LYPD8: variants seen among roughly 807,000 people sequenced by gnomAD.
LYPD8 encodes the protein ly6/PLAUR domain-containing protein 8.
Under a neutral mutation model 1.7 loss-of-function variants are expected in LYPD8, and 8 were observed. The ratio of observed to expected loss-of-function variants is 4.58; its 90% confidence interval spans 2.69 to 8.27. The LOEUF (loss-of-function observed/expected upper bound fraction) is 8.27. Ranked by LOEUF, LYPD8 falls within the 30% of genes most tolerant of loss-of-function variation. LYPD8 has a pLI of 0.00. For missense variants in LYPD8, 112 were observed against 102.3 expected (o/e 1.09, Z -0.41); for synonymous variants, 50 against 43.6 (o/e 1.15, Z -0.58).
intron 3 of LYPD8, 21 bp downstream of exon 3, chr1:248,751,009 G>T: frequency 7.5e-6 from 3 of 398,588 alleles, no homozygotes; most frequent in Non-Finnish European, 1.3e-5. Flanking sequence ...TTCTAAAAAG[G>T]GGCCACGTGA....
At position 248,739,902 on chromosome 1, in the gene LYPD8, C is replaced by A; in HGVS notation, c.476-53G>T. 8 of 1,545,446 alleles carry A rather than the reference C, an allele frequency of 5.2e-6. No individual in the cohort carries two copies. The highest frequency in any genetic ancestry group is 7.0e-6 in the Non-Finnish European group (8 of 1,144,052). On this transcript the variant is annotated intron_variant, in intron 6 of 6. Transcript: ENST00000590317. This position sits in a 1 kb window ranked among gnomAD's most constrained non-coding sequence, Gnocchi z 4.3. ...CGCCACTCAGTCCTTTGTCCTTCCACCCACGCCTGCTCTTAGTTCTTCACC... is the reference window on the plus strand; with the variant it reads ...CGCCACTCAGTCCTTTGTCCTTCCAACCACGCCTGCTCTTAGTTCTTCACC...
Position 248,745,197 on chromosome 1 carries a change from G to A in LYPD8, c.420C>T (p.Pro140=). The A allele has an allele frequency of 2.5e-6, 1 of 398,534 alleles. No individual in the cohort carries two copies. The highest frequency in any genetic ancestry group is 1.3e-4 in the South Asian group (1 of 7,844). 24.7% of individuals were successfully genotyped at this position (398,534 alleles called of 1,614,324 possible). Residue 140 remains proline (P), a synonymous_variant, in exon 6 of 7, where the codon CCC becomes CCT. Coordinates refer to ENST00000590317, the MANE Select transcript of LYPD8 (RefSeq NM_001085474.2). The part of the protein sequence containing the change: ...ESNGTSCHGK[P]WKCYEEEQCV... The stretch of plus-strand genomic sequence containing the variant: ...ACTGTTCTTCTTCATAGCATTTCCA[G>A]GGCTTCCCATGACAGGAAGTTCCAT...
At position 248,739,679 on chromosome 1, in the gene LYPD8, C is replaced by T. The variant is rs370124764; in HGVS notation, c.646G>A (p.Val216Met). The change falls in exon 7 of 7, where the codon GTG (valine) becomes ATG (methionine). Residue 216 changes from valine to methionine, a missense_variant. Val to Met is a conservative substitution (Grantham distance 21). Transcript: ENST00000590317. The surrounding 1 kb of genome is among the most constrained non-coding windows in gnomAD (Gnocchi z 4.3). ...AGGTAGAGGGAAGCTTTGGAGCCCACGTTGTGGGAAGTGGTTGGTGCAGAC... is the reference window on the plus strand; with the variant it reads ...AGGTAGAGGGAAGCTTTGGAGCCCATGTTGTGGGAAGTGGTTGGTGCAGAC... ...PTSAPTTSHN[V>M]GSKASLYLLA... 1.5e-5 allele frequency: 24 copies of T among 1,551,584 alleles called. No individual in the cohort carries two copies. Among genetic ancestry groups the T allele is most frequent in the Middle Eastern group, 1.7e-4 (1 of 6,014 alleles).
At chr1:248,742,231 G>A (rs1477095908) in intron 6 of LYPD8, among the ~76,000 whole-genome samples, 1 of 142,388 alleles carries the variant, frequency 7.0e-6, no homozygotes, top group African/African-American at 2.7e-5. Context: ...TTACGCTCTG[G>A]TGGGGATGTT....
chr1:248,751,414 T>C (rs1662800052), intron 2 of LYPD8, among the ~76,000 whole-genome samples: 1 of 152,126 alleles, frequency 6.6e-6, no homozygotes, highest in Non-Finnish European at 1.5e-5. Context: ...GGCAGATTAA[T>C]TTTTAGTTTC....
chr1:248,739,464 G>C lies in LYPD8; in HGVS notation c.*147C>G. ...TTTAATAATGAAGAACAAGGCAGCTGTCGGCATTGCCTGGAGACCTGTGAC... is the reference window on the plus strand; with the variant it reads ...TTTAATAATGAAGAACAAGGCAGCTCTCGGCATTGCCTGGAGACCTGTGAC... On this transcript the variant is annotated 3_prime_UTR_variant, in exon 7 of 7. Coordinates refer to ENST00000590317, the MANE Select transcript of LYPD8 (RefSeq NM_001085474.2). This position sits in a 1 kb window ranked among gnomAD's most constrained non-coding sequence, Gnocchi z 4.3. 9.4e-7 allele frequency: 1 copy of C among 1,058,648 alleles called. No individual in the cohort carries two copies. The highest frequency in any genetic ancestry group is 2.6e-5 in the East Asian group (1 of 38,546). The allele number at this position is 1,058,648 out of a possible 1,614,324, so 65.6% of individuals were successfully genotyped here. A position where few individuals can be genotyped will look rare whatever the true frequency, so the allele number is the denominator to read the frequency against.
chr1:248,753,147 C>T (rs1662850945), intron 2 of LYPD8, among the ~76,000 whole-genome samples: 1 of 115,704 alleles, frequency 8.6e-6, no homozygotes, highest in Non-Finnish European at 1.8e-5. Flanking sequence ...ACCCCACACA[C>T]AAACACCCCA....
At chr1:248,752,910 A>G (rs1662839407) in intron 2 of LYPD8, among the ~76,000 whole-genome samples, 2 of 96,070 alleles carry the variant, frequency 2.1e-5, no homozygotes, top group East Asian at 9.3e-4. Context: ...CACACACCCC[A>G]CACACCAACA....
intron 4 of LYPD8, among the ~76,000 whole-genome samples, chr1:248,749,885 T>C (rs1158814320): frequency 6.6e-6 from 1 of 151,856 alleles, no homozygotes; most frequent in African/African-American, 2.4e-5. Context: ...ATTTATATAA[T>C]GTTTAATTTA....
At chr1:248,752,823 T>A (rs1374311153) in intron 2 of LYPD8, among the ~76,000 whole-genome samples, 1,605 of 22,508 alleles carry the variant, frequency 0.071, 107 homozygotes, top group African/African-American at 0.12. Context: ...ACACATCACA[T>A]CACACACACC....
Position 248,745,511 on chromosome 1 carries a change from T to C in LYPD8, c.338-232A>G, listed in dbSNP as rs1662715087. Among the ~76,000 whole-genome samples the C allele has an allele frequency of 2.6e-5, 4 of 152,324 alleles. No homozygotes were observed. The East Asian group carries it at 5.8e-4, about 22-fold the overall frequency. On this transcript the variant is annotated intron_variant, in intron 5 of 6. Transcript: ENST00000590317. ...GCCTTTAAGAACTGTGGCCCATCAGTGTGTTTGGGTATAGACTGAGAAAGG... is the reference window on the plus strand; with the variant it reads ...GCCTTTAAGAACTGTGGCCCATCAGCGTGTTTGGGTATAGACTGAGAAAGG...
intron 2 of LYPD8, among the ~76,000 whole-genome samples, chr1:248,753,862 A>C (rs1285749953): frequency 6.7e-6 from 1 of 149,572 alleles, no homozygotes; most frequent in African/African-American, 2.5e-5. Flanking sequence ...TGACACATAC[A>C]CCACACACCC....
intron 6 of LYPD8, among the ~76,000 whole-genome samples, chr1:248,743,679 C>T (rs1408587706): frequency 2.0e-5 from 3 of 152,038 alleles, no homozygotes; most frequent in African/African-American, 7.3e-5. Flanking sequence ...TCTCAGCCTC[C>T]CTTACAGCCA....
Position 248,739,585 on chromosome 1 carries a change from G to C in LYPD8, c.*26C>G. 6.4e-7 allele frequency: 1 copy of C among 1,550,428 alleles called. No homozygotes were observed. The highest frequency in any genetic ancestry group is 8.7e-7 in the Non-Finnish European group (1 of 1,146,938). On this transcript the variant is annotated 3_prime_UTR_variant, in exon 7 of 7. Transcript: ENST00000590317. The surrounding 1 kb of genome is among the most constrained non-coding windows in gnomAD (Gnocchi z 4.3). ...GACCTCAGAGAAGCAGAAATGGGGT[G>C]CTGGGCAAAGTGCAGCCCCAGGACC... is the stretch of plus-strand genomic sequence containing the variant.
In LYPD8 at chr1:248,739,832, G is replaced by A; in HGVS notation, c.493C>T (p.Leu165Phe). ...ELKNDIESKSLVLKGCSNVSN... is the reference protein window; with the variant it reads ...ELKNDIESKSFVLKGCSNVSN... ...ACGTTGGAACAGCCTTTCAGCACGA[G>A]ACTCTTAGACTCAATGTCTGTGAAT... The change falls in exon 7 of 7, where the codon CTC (leucine) becomes TTC (phenylalanine). Residue 165 changes from leucine to phenylalanine, a missense_variant. Transcript: ENST00000590317. The surrounding 1 kb of genome is among the most constrained non-coding windows in gnomAD (Gnocchi z 4.3). 1.3e-6 allele frequency: 2 copies of A among 1,551,758 alleles called. No individual in the cohort carries two copies. The highest frequency in any genetic ancestry group is 2.4e-5 in the South Asian group (2 of 84,056).
chr1:248,753,816 ACAC>A (rs1184331895), intron 2 of LYPD8, among the ~76,000 whole-genome samples: 28 of 147,450 alleles, frequency 1.9e-4, no homozygotes, highest in Admixed American at 1.7e-3. Context: ...TACACCACAC[ACAC>A]CACATAACAT....
rs1196395072 is a variant in LYPD8, at chr1:248,739,936, G to A, written c.476-87C>T. 6.1e-5 allele frequency: 91 copies of A among 1,503,626 alleles called. No individual in the cohort carries two copies. The highest frequency in any genetic ancestry group is 1.8e-4 in the Middle Eastern group (1 of 5,696). 93.1% of individuals were successfully genotyped at this position (1,503,626 alleles called of 1,614,324 possible). ...GCTCTTAGTTCTTCACCTGCAGCAC[G>A]GTGGCCCGGTGACCAGCAAGAGCTG... On this transcript the variant is annotated intron_variant, in intron 6 of 6. Coordinates refer to ENST00000590317, the MANE Select transcript of LYPD8 (RefSeq NM_001085474.2). This position sits in a 1 kb window ranked among gnomAD's most constrained non-coding sequence, Gnocchi z 4.3.
At chr1:248,749,856 T>C (rs950221022) in intron 4 of LYPD8, among the ~76,000 whole-genome samples, 34 of 152,062 alleles carry the variant, frequency 2.2e-4, no homozygotes, top group Non-Finnish European at 4.3e-4. Context: ...CACATACACA[T>C]ATATGTGTGT....
At position 248,739,936 on chromosome 1, in the gene LYPD8, G is replaced by T; in HGVS notation, c.476-87C>A. 6.7e-7 allele frequency: 1 copy of T among 1,503,744 alleles called. No individual in the cohort carries two copies. Among genetic ancestry groups the T allele is most frequent in the Non-Finnish European group, 8.9e-7 (1 of 1,119,572 alleles). 93.2% of individuals were successfully genotyped at this position (1,503,744 alleles called of 1,614,324 possible). On this transcript the variant is annotated intron_variant, in intron 6 of 6. Transcript: ENST00000590317. This position sits in a 1 kb window ranked among gnomAD's most constrained non-coding sequence, Gnocchi z 4.3. ...GCTCTTAGTTCTTCACCTGCAGCAC[G>T]GTGGCCCGGTGACCAGCAAGAGCTG...
Sources: gnomAD v4.1 joint callset for allele counts (sites outside exome capture counted in the v4.1 genomes callset) on GRCh38, gnomAD v4.1.1 for gene constraint, Gnocchi (gnomAD v3.1) non-coding constraint, MANE v1.5 for transcripts, NCBI Gene and HGNC (gene_info 2026-07-23, HGNC 2026-07-21) for gene names.